MSS51: variants seen among roughly 807,000 people sequenced by gnomAD.
MSS51 encodes putative protein MSS51 homolog, mitochondrial.
In MSS51, 32 loss-of-function variants were observed where a neutral mutation model predicts 40.2. The observed-to-expected ratio is 0.80, with a 90% CI of 0.60 to 1.07. MSS51 has a LOEUF of 1.07. Ranked by LOEUF, MSS51 falls within the 50% of genes least tolerant of loss-of-function variation. MSS51 has a pLI of 0.00. For missense variants in MSS51, 518 were observed against 568.9 expected (o/e 0.91, Z 0.91); for synonymous variants, 178 against 214.2 (o/e 0.83, Z 1.48).
At chr10:73,428,951 T>C (rs968119845) in intron 1 of MSS51, among the ~76,000 whole-genome samples, 4 of 151,608 alleles carry the variant, frequency 2.6e-5, no homozygotes, top group African/African-American at 9.7e-5. Context: ...ACGCCTGTAA[T>C]CCCAGCACTT....
chr10:73,430,029 T>C (rs533838470), intron 1 of MSS51, among the ~76,000 whole-genome samples: 6 of 152,158 alleles, frequency 3.9e-5, no homozygotes, highest in Non-Finnish European at 7.4e-5. Flanking sequence ...AGGGAAAAAA[T>C]AAATTCTAAG....
At chr10:73,429,412 G>A (rs778776646) in intron 1 of MSS51, among the ~76,000 whole-genome samples, 2 of 152,180 alleles carry the variant, frequency 1.3e-5, no homozygotes, top group Non-Finnish European at 2.9e-5. Flanking sequence ...ATTCTCCAAA[G>A]TGACCATCCA....
chr10:73,425,289 C>T, intron 5 of MSS51, 98 bp from the exon 6 acceptor site: 1 of 712,134 alleles, frequency 1.4e-6, no homozygotes, highest in Non-Finnish European at 2.4e-6. Context: ...CCTCACCTTG[C>T]TTATCCCCAG....
intron 2 of MSS51, 83 bp downstream of exon 2, chr10:73,427,981 C>T (rs1313725848): frequency 1.5e-6 from 2 of 1,356,102 alleles, no homozygotes; most frequent in Non-Finnish European, 1.0e-6. Flanking sequence ...TCCATATTCA[C>T]CAAACTGTAC....
At position 73,425,059 on chromosome 10, in the gene MSS51, A is replaced by G. The variant is rs1445912622; in HGVS notation, c.1163+39T>C. ...AGCTCATCTATATAAAGAGAGATGT[A>G]AAGTCAGGGAAGTATCACAAATAGG... On this transcript the variant is annotated intron_variant, in intron 6 of 6. Transcript: ENST00000299432. 5 of 1,471,450 alleles carry G rather than the reference A, an allele frequency of 3.4e-6. No homozygotes were observed. The African/African-American group carries it at 6.9e-5, about 20-fold the overall frequency. The allele number at this position is 1,471,450 out of a possible 1,614,324, so 91.1% of individuals were successfully genotyped here. A position where few individuals can be genotyped will look rare whatever the true frequency, so the allele number is the denominator to read the frequency against.
intron 3 of MSS51, 88 bp downstream of exon 3, chr10:73,427,525 A>G: frequency 7.1e-7 from 1 of 1,412,778 alleles, no homozygotes. Context: ...CGGCCTCCCA[A>G]GGTGCTGGAA....
At chr10:73,425,404 G>C (rs1471369348) in intron 5 of MSS51, among the ~76,000 whole-genome samples, 1 of 152,066 alleles carries the variant, frequency 6.6e-6, no homozygotes, top group Non-Finnish European at 1.5e-5. Flanking sequence ...GCTGGGCGCG[G>C]TGGCTCACGC....
chr10:73,426,689 T>A lies in MSS51; in HGVS notation c.420A>T (p.Ser140=), dbSNP rs759175088. ...AAACCCTCCTGTGTGCGGGCCAGTC[T>A]GACTTCTGGCACTCTGGACCACAGT... The part of the protein sequence containing the change: ...VYYCGPECQK[S]DWPAHRRVCQ... The change falls in exon 4 of 7, where the codon TCA becomes TCT. Residue 140 remains serine, a synonymous_variant. Coordinates refer to ENST00000299432, the MANE Select transcript of MSS51 (RefSeq NM_001024593.2). The A allele has an allele frequency of 4.8e-5, 78 of 1,614,186 alleles. No homozygotes were observed. The highest frequency in any genetic ancestry group is 6.4e-5 in the Non-Finnish European group (76 of 1,180,028).
At chr10:73,425,785 T>C (rs1223140035) in intron 5 of MSS51, 26 bp downstream of exon 5, 1 of 1,581,704 alleles carries the variant, frequency 6.3e-7, no homozygotes, top group South Asian at 1.2e-5. Flanking sequence ...AGCCACCCTC[T>C]ATTCCCCTGA....
intron 1 of MSS51, among the ~76,000 whole-genome samples, chr10:73,432,629 A>C (rs140043074): frequency 2.6e-5 from 4 of 152,290 alleles, no homozygotes; most frequent in African/African-American, 9.6e-5. Flanking sequence ...AGGATCACAC[A>C]GTTTGAGGAA....
At chr10:73,427,869 T>C in intron 2 of MSS51, 101 bp from the exon 3 acceptor site, 1 of 1,382,952 alleles carries the variant, frequency 7.2e-7, no homozygotes, top group South Asian at 1.4e-5. Flanking sequence ...CACTTACTCC[T>C]ATGTCTCCCA....
Position 73,426,706 on chromosome 10 carries a change from GAC to G in MSS51, c.401_402del (p.Gly134AlafsTer35). 1 of 1,614,088 alleles carries G rather than the reference GAC, an allele frequency of 6.2e-7. No homozygotes were observed. Among genetic ancestry groups the G allele is most frequent in the Non-Finnish European group, 8.5e-7 (1 of 1,180,014 alleles). ...CKRCRNVYYCGPECQKSDWPA... is the reference protein window; with the variant it reads ...CKRCRNVYYCXPECQKSDWPA... Reference sequence around the variant, plus strand: ...GGCCAGTCTGACTTCTGGCACTCTGGACCACAGTAATAGACATTTCTGCACCT... The same window carrying G: ...GGCCAGTCTGACTTCTGGCACTCTGGCACAGTAATAGACATTTCTGCACCT... On this transcript the variant is annotated frameshift_variant, in exon 4 of 7. Transcript: ENST00000299432. LOFTEE classifies it high-confidence loss of function.
intron 1 of MSS51, among the ~76,000 whole-genome samples, chr10:73,432,349 T>C (rs930932179): frequency 2.0e-5 from 3 of 152,162 alleles, no homozygotes; most frequent in African/African-American, 7.2e-5. Flanking sequence ...GACACCACTT[T>C]CTTAAACCTT....
At chr10:73,425,570 G>A (rs1589674109) in intron 5 of MSS51, among the ~76,000 whole-genome samples, 3 of 151,568 alleles carry the variant, frequency 2.0e-5, no homozygotes, top group African/African-American at 7.3e-5. Flanking sequence ...GCTGAGGCAG[G>A]AGAATGGCGT....
At chr10:73,432,339 G>A (rs568712141) in intron 1 of MSS51, among the ~76,000 whole-genome samples, 119 of 152,046 alleles carry the variant, frequency 7.8e-4, no homozygotes, top group African/African-American at 2.7e-3. Context: ...GCCCGGCCAA[G>A]ACACCACTTT....
chr10:73,426,618 A>C lies in MSS51; in HGVS notation c.491T>G (p.Leu164Arg). The change falls in exon 4 of 7, where the codon CTT becomes CGT. Residue 164 changes from leucine (L) to arginine (R), a missense_variant. Leu to Arg is a moderately radical substitution (Grantham distance 102, BLOSUM62 -2). Coordinates refer to ENST00000299432, the MANE Select transcript of MSS51 (RefSeq NM_001024593.2). ...LVAVDRLMEW[L>R]LVTGDFVLPS... ...CACCACCACTCCACCTGTGACCAGA[A>C]GCCATTCCATGAGACGGTCCACAGC... 1 of 1,614,198 alleles carries C rather than the reference A, an allele frequency of 6.2e-7. No individual in the cohort carries two copies. Among genetic ancestry groups the C allele is most frequent in the South Asian group, 1.1e-5 (1 of 91,090 alleles).
chr10:73,427,274 T>C (rs1348722990), intron 3 of MSS51, among the ~76,000 whole-genome samples: 2 of 119,456 alleles, frequency 1.7e-5, no homozygotes, highest in Non-Finnish European at 3.5e-5. Context: ...GGTCATTGCT[T>C]TTTTTTTTTT....
chr10:73,427,485 C>A (rs2055997587), intron 3 of MSS51, 128 bp downstream of exon 3: 1 of 911,890 alleles, frequency 1.1e-6, no homozygotes, highest in African/African-American at 1.7e-5. Context: ...GCTGTGTTGG[C>A]CAGGTTGGCC....
At position 73,428,101 on chromosome 10, in the gene MSS51, G is replaced by A; in HGVS notation, c.184C>T (p.Leu62Phe). 3.1e-6 allele frequency: 5 copies of A among 1,614,018 alleles called. No individual in the cohort carries two copies. Among genetic ancestry groups the A allele is most frequent in the Non-Finnish European group, 4.2e-6 (5 of 1,180,006 alleles). The change falls in exon 2 of 7, where the codon CTT (leucine) becomes TTT (phenylalanine). Residue 62 changes from leucine (L) to phenylalanine (F), a missense_variant. By Grantham distance (22) the Leu-to-Phe change is conservative. Coordinates refer to ENST00000299432, the MANE Select transcript of MSS51 (RefSeq NM_001024593.2). ...DNVPGLSQLI[L>F]QKLNMKSYEE... ...TAGCTTTTCATGTTCAGCTTTTGAA[G>A]GATCAGCTGCGATAGGCCAGGAACA... is the stretch of plus-strand genomic sequence containing the variant.
Sources: allele counts gnomAD v4.1 joint callset (sites outside exome capture counted in the v4.1 genomes callset), GRCh38; gene constraint gnomAD v4.1.1; transcripts MANE v1.5; gene names NCBI Gene and HGNC (gene_info 2026-07-23, HGNC 2026-07-21).